MTUS2: variants seen among roughly 807,000 people sequenced by gnomAD.
The protein encoded by MTUS2 is microtubule associated scaffold protein 2.
Under a neutral mutation model 114.1 loss-of-function variants are expected in MTUS2, and 40 were observed. The observed-to-expected ratio is 0.35, with a 90% CI of 0.27 to 0.46. MTUS2 has a LOEUF of 0.46. Ranked by LOEUF, MTUS2 falls within the 20% of genes least tolerant of loss-of-function variation. The pLI, the probability that MTUS2 is intolerant of heterozygous loss-of-function variation, is 1.00. For synonymous variants in MTUS2, 688 were observed against 672.0 expected, an observed-to-expected ratio of 1.02 and a Z score of -0.37; for missense variants, 1,679 against 1,705.4, an observed-to-expected ratio of 0.98 and a Z score of 0.27.
rs771394396 is a variant in MTUS2 at position 29,025,770 on chromosome 13, G to A, written c.1072G>A (p.Asp358Asn). 1.9e-6 allele frequency: 3 copies of A among 1,613,992 alleles called. No individual in the cohort carries two copies. The highest frequency in any genetic ancestry group is 1.1e-5 in the South Asian group (1 of 91,080). Residue 358 changes from aspartate to asparagine, a missense_variant, in exon 3 of 16, where the codon GAT (aspartate) becomes AAT (asparagine). Coordinates refer to ENST00000612955, the MANE Select transcript of MTUS2 (RefSeq NM_001033602.4). ...TGGGGAAGCACACCCGGAAGCCACC[G>A]ATGCACTTGGCCATCTGCTGAACAG... ...PCGEAHPEAT[D>N]ALGHLLNSDL...
chr13:29,023,908 C>T (rs1031940979), intron 2 of MTUS2, among the ~76,000 whole-genome samples: 2 of 152,104 alleles, frequency 1.3e-5, no homozygotes, highest in Admixed American at 1.3e-4. Flanking sequence ...TAAATTTGAT[C>T]ACGTGGTTAA....
At chr13:28,899,953 T>A (rs1227688031) in intron 2 of MTUS2, among the ~76,000 whole-genome samples, 1 of 152,028 alleles carries the variant, frequency 6.6e-6, no homozygotes, top group East Asian at 1.9e-4. Context: ...AACGGCAGGA[T>A]CTCGACTCAC....
chr13:29,025,192 A>T lies in MTUS2; in HGVS notation c.494A>T (p.Lys165Met). The change falls in exon 3 of 16, where the codon AAG becomes ATG. Residue 165 changes from lysine to methionine, a missense_variant. This residue lies in a region of MTUS2 where 843 missense variants were observed against 770.8 expected (regional missense o/e 1.09). Coordinates refer to ENST00000612955, the MANE Select transcript of MTUS2 (RefSeq NM_001033602.4). The part of the protein sequence containing the change: ...PRHVPKDKLA[K>M]TLDNEELRRH... ...CATGTTCCCAAGGATAAACTGGCAA[A>T]GACCCTTGACAATGAGGAACTGAGG... The T allele has an allele frequency of 6.2e-7, 1 of 1,614,014 alleles. No individual in the cohort carries two copies. The highest frequency in any genetic ancestry group is 8.5e-7 in the Non-Finnish European group (1 of 1,179,900).
chr13:29,182,074 G>A (rs73447239), intron 5 of MTUS2, among the ~76,000 whole-genome samples: 3,675 of 152,192 alleles, frequency 0.024, 149 homozygotes, highest in African/African-American at 0.083. Flanking sequence ...GCCCCTCCCT[G>A]GTGGCTACTG....
chr13:29,358,376 T>C (rs1004745778), intron 7 of MTUS2, among the ~76,000 whole-genome samples: 1 of 152,176 alleles, frequency 6.6e-6, no homozygotes. Context: ...CCCAAAACCC[T>C]GTCCTCAACC....
At position 28,841,765 on chromosome 13, in the gene MTUS2, C is replaced by A. The variant is rs1321780892; in HGVS notation, c.-243+1915C>A. ...GCAGCGGCGTGATCTCCGCTCACTG[C>A]AACCTCCGCCTCCCAGGTTCAAGCG... On this transcript the variant is annotated intron_variant, in intron 2 of 15. Coordinates refer to ENST00000612955, the MANE Select transcript of MTUS2 (RefSeq NM_001033602.4). Among the ~76,000 whole-genome samples, 3 of 151,944 alleles carry A rather than the reference C, an allele frequency of 2.0e-5. No homozygotes were observed. The East Asian group carries it at 5.8e-4, about 29-fold the overall frequency.
At chr13:29,407,447 C>CGTAT (rs377321239) in intron 8 of MTUS2, among the ~76,000 whole-genome samples, 5 of 139,342 alleles carry the variant, frequency 3.6e-5, no homozygotes, top group South Asian at 2.4e-4. Flanking sequence ...AGTGATTGTA[C>CGTAT]TTATTTATTT....
intron 5 of MTUS2, among the ~76,000 whole-genome samples, chr13:29,249,777 G>T (rs1392005368): frequency 1.3e-5 from 2 of 151,974 alleles, no homozygotes; most frequent in African/African-American, 4.8e-5. Flanking sequence ...TCTGATACTA[G>T]GATTTCCTAT....
chr13:29,152,685 C>G (rs1444212597), intron 5 of MTUS2, among the ~76,000 whole-genome samples: 1 of 152,048 alleles, frequency 6.6e-6, no homozygotes, highest in Non-Finnish European at 1.5e-5. Flanking sequence ...AGAGATGCCT[C>G]AAGATGTGGC....
At chr13:29,298,644 A>T (rs1480564912) in intron 6 of MTUS2, among the ~76,000 whole-genome samples, 2 of 152,192 alleles carry the variant, frequency 1.3e-5, no homozygotes, top group African/African-American at 4.8e-5. Flanking sequence ...TAAAATATTC[A>T]GTCTTAGGAA....
At chr13:28,984,453 C>G (rs1884489439) in intron 2 of MTUS2, among the ~76,000 whole-genome samples, 2 of 152,178 alleles carry the variant, frequency 1.3e-5, no homozygotes, top group Non-Finnish European at 2.9e-5. Flanking sequence ...GCAAATCATT[C>G]ACCTTCTCAG....
intron 2 of MTUS2, among the ~76,000 whole-genome samples, chr13:29,007,970 T>C (rs1885673286): frequency 6.6e-6 from 1 of 152,200 alleles, no homozygotes; most frequent in Admixed American, 6.5e-5. Flanking sequence ...ATGATTATTA[T>C]TTGTAATTTG....
intron 7 of MTUS2, among the ~76,000 whole-genome samples, chr13:29,351,182 TC>T (rs1324249590): frequency 6.6e-6 from 1 of 151,976 alleles, no homozygotes; most frequent in Non-Finnish European, 1.5e-5. Context: ...GATCTTCATT[TC>T]TTTTTGATGA....
At chr13:29,130,503 T>C (rs1891713086) in intron 5 of MTUS2, among the ~76,000 whole-genome samples, 1 of 152,228 alleles carries the variant, frequency 6.6e-6, no homozygotes. Context: ...CCCACATTAA[T>C]GACATGACAA....
At chr13:29,415,191 G>C (rs1875576047) in intron 8 of MTUS2, among the ~76,000 whole-genome samples, 1 of 151,818 alleles carries the variant, frequency 6.6e-6, no homozygotes, top group African/African-American at 2.4e-5. Flanking sequence ...GAACTTACTA[G>C]TATTTTCTTT....
chr13:28,868,422 C>T (rs1877426610), intron 2 of MTUS2, among the ~76,000 whole-genome samples: 1 of 152,152 alleles, frequency 6.6e-6, no homozygotes, highest in African/African-American at 2.4e-5. Context: ...CCACAGCCTC[C>T]ATGTTATATT....
At chr13:29,354,000 A>G (rs548842702) in intron 7 of MTUS2, among the ~76,000 whole-genome samples, 22 of 152,156 alleles carry the variant, frequency 1.4e-4, no homozygotes, top group African/African-American at 5.3e-4. Flanking sequence ...GTGGTATCCT[A>G]CCTTGTACGC....
chr13:29,169,359 G>C (rs967639546), intron 5 of MTUS2, among the ~76,000 whole-genome samples: 1 of 152,156 alleles, frequency 6.6e-6, no homozygotes, highest in Non-Finnish European at 1.5e-5. Flanking sequence ...GAATTTAAGA[G>C]TAAAATAAAA....
rs78657669 is a variant in MTUS2, at chr13:29,387,139, C to T, written c.3117+27666C>T. Among the ~76,000 whole-genome samples, 262 of 152,232 alleles carry T rather than the reference C, an allele frequency of 1.7e-3. 1 individual carries two copies. Among genetic ancestry groups the T allele is most frequent in the East Asian group, 9.7e-3 (50 of 5,178 alleles). On this transcript the variant is annotated intron_variant, in intron 8 of 15. Transcript: ENST00000612955. ...GTTTACATATAACCTGAAAGATATG[C>T]GTAAATTCAGAACTTTACAGACGTG...
Sources: allele counts gnomAD v4.1 joint callset (sites outside exome capture counted in the v4.1 genomes callset), GRCh38; gene constraint gnomAD v4.1.1; regional missense constraint gnomAD v4.1.1; transcripts MANE v1.5; gene names NCBI Gene and HGNC (gene_info 2026-07-23, HGNC 2026-07-21).